Variants in STS observed in about 807,000 individuals in gnomAD.
STS encodes steroid sulfatase.
A neutral mutation model predicts 26.8 loss-of-function variants in STS; 7 were observed. The observed-to-expected ratio is 0.26, with a 90% CI of 0.15 to 0.49. The LOEUF (loss-of-function observed/expected upper bound fraction) is 0.49. STS is among the 20% of genes least tolerant of loss of function. The pLI, the probability that STS is intolerant of heterozygous loss-of-function variation, is 0.98. For synonymous variants in STS, 199 were observed against 189.4 expected, an observed-to-expected ratio of 1.05 and a Z score of -0.42; for missense variants, 434 against 465.6, an observed-to-expected ratio of 0.93 and a Z score of 0.63.
chrX:7,214,671 A>G lies in STS; in HGVS notation c.-5+23663A>G, dbSNP rs143724181. On this transcript the variant is annotated intron_variant, in intron 2 of 10. Coordinates refer to ENST00000674429, the MANE Select transcript of STS (RefSeq NM_001320752.2). ...ACCCGAGCAGTATACACTGAACCCTATTTGTAGTCTTATCACTCACCCCCT... is the reference window on the plus strand; with the variant it reads ...ACCCGAGCAGTATACACTGAACCCTGTTTGTAGTCTTATCACTCACCCCCT... Among the ~76,000 whole-genome samples, 29 of 109,119 alleles carry G rather than the reference A, an allele frequency of 2.7e-4. No homozygotes were observed. In the East Asian group the frequency reaches 8.4e-3, roughly 32 times the overall value. The allele number at this position is 109,119 out of a possible 115,157, so 94.8% of individuals were successfully genotyped here. A position where few individuals can be genotyped will look rare whatever the true frequency, so the allele number is the denominator to read the frequency against.
rs1347557492 is a variant in STS at position 7,206,608 on chromosome X, T to C, written c.-5+15600T>C. The stretch of plus-strand genomic sequence containing the variant: ...CATCCTATTTGATAAAGAGATGTTA[T>C]CTCACTTATCAATAATGAAAACCCT... On this transcript the variant is annotated intron_variant, in intron 2 of 10. Coordinates refer to ENST00000674429, the MANE Select transcript of STS (RefSeq NM_001320752.2). Among the ~76,000 whole-genome samples the C allele has an allele frequency of 4.5e-5, 5 of 112,256 alleles. No homozygotes were observed. The East Asian group carries it at 1.4e-3, about 31-fold the overall frequency.
chrX:7,269,388 G>A (rs763530178), intron 6 of STS, among the ~76,000 whole-genome samples: 1 of 105,653 alleles, frequency 9.5e-6, no homozygotes, highest in African/African-American at 3.5e-5. Flanking sequence ...TGAATAGCTC[G>A]AAAGCCTACA....
Position 7,352,878 on chromosome X carries a change from T to G in STS, c.*2617T>G, listed in dbSNP as rs1223247994. 9.0e-6 allele frequency: 1 copy of G among 110,796 alleles called. No individual in the cohort carries two copies. The allele number at this position is 110,796 out of a possible 1,213,427, so 9.1% of individuals were successfully genotyped here. The stretch of plus-strand genomic sequence containing the variant: ...TATCTATGGTACTAAGGAAGTCCTG[T>G]TTTTCAAAAATGGAAGCCCACTTCT... On this transcript the variant is annotated 3_prime_UTR_variant, in exon 11 of 11. Coordinates refer to ENST00000674429, the MANE Select transcript of STS (RefSeq NM_001320752.2).
chrX:7,246,160 C>T (rs956361203), intron 2 of STS, among the ~76,000 whole-genome samples: 2 of 111,600 alleles, frequency 1.8e-5, no homozygotes, highest in Admixed American at 9.5e-5. Flanking sequence ...TTAGAGCACA[C>T]ATCATCTTGA....
intron 2 of STS, among the ~76,000 whole-genome samples, chrX:7,205,641 CTT>C (rs11318727): frequency 0.2 from 17,938 of 87,617 alleles, 1,729 homozygotes; most frequent in Admixed American, 0.34. Context: ...TTTCTTTTTT[CTT>C]TTTTTTTTTT....
intron 2 of STS, among the ~76,000 whole-genome samples, chrX:7,218,651 G>A (rs1921410969): frequency 8.9e-6 from 1 of 112,337 alleles, no homozygotes; most frequent in Non-Finnish European, 1.9e-5. Context: ...ATTTTACAAA[G>A]AAGTGCACAG....
In STS at chrX:7,204,786, C is replaced by G. The variant is rs188153766; in HGVS notation, c.-5+13778C>G. ...CTCCCTCCTTTCTCCCTCTTTCCTCCTAACTTCCTCTCTCCCTGCCTTCCT... is the reference window on the plus strand; with the variant it reads ...CTCCCTCCTTTCTCCCTCTTTCCTCGTAACTTCCTCTCTCCCTGCCTTCCT... On this transcript the variant is annotated intron_variant, in intron 2 of 10. Coordinates refer to ENST00000674429, the MANE Select transcript of STS (RefSeq NM_001320752.2). 7.5e-3 allele frequency among the ~76,000 whole-genome samples: 775 copies of G among 103,504 alleles called. 13 individuals are homozygous for G. The highest frequency in any genetic ancestry group is 0.026 in the African/African-American group (736 of 28,123). The allele number at this position is 103,504 out of a possible 115,157, so 89.9% of individuals were successfully genotyped here. A position where few individuals can be genotyped will look rare whatever the true frequency, so the allele number is the denominator to read the frequency against.
intron 5 of STS, among the ~76,000 whole-genome samples, chrX:7,257,828 T>TTG (rs3833414): frequency 9.2e-5 from 10 of 108,898 alleles, no homozygotes; most frequent in African/African-American, 3.3e-4. Context: ...TGTTGTGTGT[T>TTG]TGTGTGTGTG....
At position 7,190,981 on chromosome X, in the gene STS, C is replaced by T. The variant is rs747407594; in HGVS notation, c.-32C>T. On this transcript the variant is annotated 5_prime_UTR_variant, in exon 2 of 11. Coordinates refer to ENST00000674429, the MANE Select transcript of STS (RefSeq NM_001320752.2). ...GTTAAGATCTTCCTGAGGACAATGGCGCAAGATCGTCTTCAGCTGTTCATA... is the reference window on the plus strand; with the variant it reads ...GTTAAGATCTTCCTGAGGACAATGGTGCAAGATCGTCTTCAGCTGTTCATA... The T allele has an allele frequency of 5.3e-5, 40 of 751,311 alleles. No homozygotes were observed. Among genetic ancestry groups the T allele is most frequent in the South Asian group, 2.7e-4 (4 of 14,586 alleles). 61.9% of individuals were successfully genotyped at this position (751,311 alleles called of 1,213,427 possible).
intron 2 of STS, among the ~76,000 whole-genome samples, chrX:7,195,547 A>G (rs1458492057): frequency 8.9e-6 from 1 of 112,665 alleles, no homozygotes; most frequent in Non-Finnish European, 1.9e-5. Context: ...AACATAGTGT[A>G]TAGAAGTGCC....
intron 1 of STS, among the ~76,000 whole-genome samples, chrX:7,181,211 T>A (rs1415743173): frequency 1.8e-5 from 2 of 112,617 alleles, no homozygotes; most frequent in Non-Finnish European, 3.7e-5. Flanking sequence ...ATCTCAGTGT[T>A]ACACAATATA....
intron 1 of STS, among the ~76,000 whole-genome samples, chrX:7,172,646 A>G (rs1933489602): frequency 8.9e-6 from 1 of 112,004 alleles, no homozygotes; most frequent in Admixed American, 9.5e-5. Flanking sequence ...AAAAAGAGCA[A>G]ATCACAAAGC....
chrX:7,308,338 A>G, intron 8 of STS, among the ~76,000 whole-genome samples: 1 of 112,142 alleles, frequency 8.9e-6, no homozygotes, highest in Non-Finnish European at 1.9e-5. Context: ...CAATTCTAGA[A>G]GTGGTTGGAG....
In STS at chrX:7,259,275, A is replaced by G. The variant is rs1047972683; in HGVS notation, c.383-74A>G. On this transcript the variant is annotated intron_variant, in intron 5 of 10. Coordinates refer to ENST00000674429, the MANE Select transcript of STS (RefSeq NM_001320752.2). ...AGTCAGAAAGAACCTCCTTTTCAGC[A>G]TGTAGGAACAGAAGCTTGGATTGGA... 15 of 1,007,622 alleles carry G rather than the reference A, an allele frequency of 1.5e-5. No homozygotes were observed. The Admixed American group carries it at 2.9e-4, about 19-fold the overall frequency. The allele number at this position is 1,007,622 out of a possible 1,213,427, so 83.0% of individuals were successfully genotyped here.
chrX:7,226,991 G>A (rs1032260888), intron 2 of STS, among the ~76,000 whole-genome samples: 14 of 111,924 alleles, frequency 1.3e-4, no homozygotes, highest in Non-Finnish European at 2.1e-4. Flanking sequence ...TTTAGCCACC[G>A]TAGGGGTTGT....
intron 1 of STS, 80 bp downstream of exon 1, chrX:7,148,163 C>A: frequency 1.1e-6 from 1 of 893,158 alleles, no homozygotes; most frequent in South Asian, 2.5e-5. Context: ...TGCGCGCGCA[C>A]CCGCCCGCCC....
At chrX:7,193,174 A>G (rs1026763644) in intron 2 of STS, among the ~76,000 whole-genome samples, 1 of 112,663 alleles carries the variant, frequency 8.9e-6, no homozygotes, top group Non-Finnish European at 1.9e-5. Context: ...CCTAACACTT[A>G]GCAGCTTAAC....
At chrX:7,179,552 C>A (rs1933643330) in intron 1 of STS, among the ~76,000 whole-genome samples, 1 of 112,532 alleles carries the variant, frequency 8.9e-6, no homozygotes, top group Non-Finnish European at 1.9e-5. Context: ...CATGTATTCA[C>A]ACCCAAGGCT....
rs1458742232 is a variant in STS at position 7,259,488 on chromosome X, C to A, written c.522C>A (p.Thr174=). 4 of 1,209,793 alleles carry A rather than the reference C, an allele frequency of 3.3e-6. No individual in the cohort carries two copies. The Admixed American group carries it at 6.6e-5, about 20-fold the overall frequency. The change falls in exon 6 of 11, where the codon ACC becomes ACA. Residue 174 remains threonine, a synonymous_variant. Transcript: ENST00000674429. The stretch of plus-strand genomic sequence containing the variant: ...AGCCCGGAGAGGGCAGTGTCTTCAC[C>A]ACGGGCTTCAAGAGGCTGGTCTTCC... The part of the protein sequence containing the change: ...DCKPGEGSVF[T]TGFKRLVFLP...
Sources: allele counts gnomAD v4.1 joint callset (sites outside exome capture counted in the v4.1 genomes callset), GRCh38; gene constraint gnomAD v4.1.1; transcripts MANE v1.5; gene names NCBI Gene and HGNC (gene_info 2026-07-23, HGNC 2026-07-21).